The following USP12 variants were observed in gnomAD, a reference collection of about 807,000 sequenced individuals.
USP12 encodes the protein ubiquitin specific peptidase 12.
USP12 carries 19 observed loss-of-function variants against 45.5 expected under a neutral mutation model. That is an observed-to-expected ratio of 0.42 (90% CI 0.29 to 0.61). USP12 has a LOEUF of 0.61. Ranked by LOEUF, USP12 falls within the 20% of genes least tolerant of loss-of-function variation. The pLI, the probability that USP12 is intolerant of heterozygous loss-of-function variation, is 0.22. For synonymous variants in USP12, 149 were observed against 148.8 expected (o/e 1.00, Z -0.01); for missense variants, 242 against 447.7 (o/e 0.54, Z 4.15).
intron 7 of USP12, 50 bp downstream of exon 7, chr13:27,075,141 G>A: frequency 6.4e-7 from 1 of 1,574,740 alleles, no homozygotes; most frequent in African/African-American, 1.3e-5. Context: ...AATGTACCCT[G>A]CTCTTCTAAC....
At chr13:27,096,539 C>T (rs1490354669) in intron 3 of USP12, among the ~76,000 whole-genome samples, 1 of 152,126 alleles carries the variant, frequency 6.6e-6, no homozygotes, top group Non-Finnish European at 1.5e-5. Flanking sequence ...ACAACTCTAC[C>T]ATAGAACAGT....
chr13:27,074,115 C>G (rs975693700), intron 7 of USP12, among the ~76,000 whole-genome samples: 4 of 152,170 alleles, frequency 2.6e-5, no homozygotes, highest in African/African-American at 9.7e-5. Context: ...AAATTCTCAT[C>G]AGAGGCCGGG....
Position 27,075,274 on chromosome 13 carries a change from T to C in USP12, c.849A>G (p.Glu283=), listed in dbSNP as rs777450034. The stretch of plus-strand genomic sequence containing the variant: ...CACCTGAAGTGTTAAACAGACGAAG[T>C]TCTAAAGGAAAAACTACCCGGTAAG... ...KLSYRVVFPL[E]LRLFNTSGDA... Residue 283 remains glutamate (E), a synonymous_variant, in exon 7 of 9, where the codon GAA becomes GAG. Coordinates refer to ENST00000282344, the MANE Select transcript of USP12 (RefSeq NM_182488.4). The C allele has an allele frequency of 4.3e-6, 7 of 1,614,112 alleles. No homozygotes were observed. The highest frequency in any genetic ancestry group is 1.6e-4 in the Middle Eastern group (1 of 6,062).
intron 3 of USP12, among the ~76,000 whole-genome samples, chr13:27,103,522 G>T (rs1306779120): frequency 6.7e-6 from 1 of 148,972 alleles, no homozygotes; most frequent in Non-Finnish European, 1.5e-5. Flanking sequence ...CTCTTTCAAA[G>T]AAGTATTTAA....
intron 1 of USP12, among the ~76,000 whole-genome samples, chr13:27,125,439 GC>G (rs1876181360): frequency 6.6e-6 from 1 of 152,210 alleles, no homozygotes; most frequent in Non-Finnish European, 1.5e-5. Flanking sequence ...AACACTGAGT[GC>G]TGGAGAACTT....
chr13:27,131,283 A>G (rs1876488513), intron 1 of USP12, among the ~76,000 whole-genome samples: 1 of 152,180 alleles, frequency 6.6e-6, no homozygotes, highest in Non-Finnish European at 1.5e-5. Flanking sequence ...GTGAGCAGTG[A>G]GCTCCACCAC....
At chr13:27,081,834 T>A (rs150031770) in intron 6 of USP12, among the ~76,000 whole-genome samples, 135 of 152,350 alleles carry the variant, frequency 8.9e-4, no homozygotes, top group Admixed American at 1.6e-3. Flanking sequence ...TCTTGGGTGA[T>A]CACATGTATT....
intron 6 of USP12, among the ~76,000 whole-genome samples, chr13:27,079,058 T>C (rs147919743): frequency 2.0e-5 from 3 of 151,682 alleles, no homozygotes; most frequent in East Asian, 1.9e-4. Context: ...AAATAAGCCA[T>C]AGGACAAACA....
intron 3 of USP12, among the ~76,000 whole-genome samples, chr13:27,099,973 T>C (rs547254766): frequency 6.6e-6 from 1 of 152,300 alleles, no homozygotes; most frequent in South Asian, 2.1e-4. Context: ...CCACAAGAGA[T>C]AGTAGATCTA....
chr13:27,154,737 T>C (rs1371910951), intron 1 of USP12, among the ~76,000 whole-genome samples: 1 of 152,168 alleles, frequency 6.6e-6, no homozygotes, highest in Non-Finnish European at 1.5e-5. Context: ...GAATTCAAGT[T>C]GCAGAAGGAA....
chr13:27,126,649 A>G (rs1258622629), intron 1 of USP12, among the ~76,000 whole-genome samples: 1 of 152,090 alleles, frequency 6.6e-6, no homozygotes. Context: ...ACTGCAATAA[A>G]ACACTGCCTC....
Position 27,148,795 on chromosome 13 carries a change from T to TACACACACAC in USP12, c.48+22787_48+22796dup, listed in dbSNP as rs58820564. Among the ~76,000 whole-genome samples the TACACACACAC allele has an allele frequency of 7.3e-3, 1,029 of 141,792 alleles. 18 individuals are homozygous for TACACACACAC. Among genetic ancestry groups the TACACACACAC allele is most frequent in the African/African-American group, 0.025 (936 of 37,266 alleles). 93.0% of individuals were successfully genotyped at this position (141,792 alleles called of 152,430 possible). On this transcript the variant is annotated intron_variant, in intron 1 of 8. Coordinates refer to ENST00000282344, the MANE Select transcript of USP12 (RefSeq NM_182488.4). ...AACCAGAATCACAGAATCATCTTAATACACACACACACACACACAAAAATC... is the reference window on the plus strand; with the variant it reads ...AACCAGAATCACAGAATCATCTTAATACACACACACACACACACACACACACACAAAAATC...
At chr13:27,103,343 A>G (rs1349891083) in intron 3 of USP12, among the ~76,000 whole-genome samples, 1 of 152,160 alleles carries the variant, frequency 6.6e-6, no homozygotes, top group Admixed American at 6.5e-5. Context: ...AAAATTCAAA[A>G]GCCAAAAATA....
intron 1 of USP12, among the ~76,000 whole-genome samples, chr13:27,118,826 TCTA>T (rs1186682217): frequency 1.3e-5 from 2 of 152,184 alleles, no homozygotes; most frequent in Admixed American, 1.3e-4. Context: ...AGGTTATCTC[TCTA>T]CTGTTAGCCG....
chr13:27,091,202 A>G (rs1279638262), intron 4 of USP12, among the ~76,000 whole-genome samples: 1 of 152,224 alleles, frequency 6.6e-6, no homozygotes, highest in Non-Finnish European at 1.5e-5. Flanking sequence ...AAACACATCA[A>G]TTTTGTAGAA....
chr13:27,080,743 A>G (rs1032555434), intron 6 of USP12, among the ~76,000 whole-genome samples: 4 of 152,232 alleles, frequency 2.6e-5, no homozygotes, highest in Non-Finnish European at 5.9e-5. Context: ...AATAAAGTGA[A>G]GACCGCAATA....
At chr13:27,072,731 C>T (rs996100009) in intron 7 of USP12, among the ~76,000 whole-genome samples, 1 of 152,036 alleles carries the variant, frequency 6.6e-6, no homozygotes, top group Non-Finnish European at 1.5e-5. Context: ...CGAAATGGTG[C>T]CCAGTTTTGA....
chr13:27,075,667 G>A (rs954838616), intron 6 of USP12, among the ~76,000 whole-genome samples: 1 of 152,150 alleles, frequency 6.6e-6, no homozygotes, highest in Admixed American at 6.5e-5. Flanking sequence ...TTAGTCCTTG[G>A]TTAAGGAATC....
At chr13:27,136,088 C>T (rs7338782) in intron 1 of USP12, among the ~76,000 whole-genome samples, 2,014 of 152,248 alleles carry the variant, frequency 0.013, 39 homozygotes, top group African/African-American at 0.046. Context: ...TAAAGTAAAC[C>T]GCTTTCCATG....
Sources: gnomAD v4.1 joint callset for allele counts (sites outside exome capture counted in the v4.1 genomes callset) on GRCh38, gnomAD v4.1.1 for gene constraint, MANE v1.5 for transcripts, NCBI Gene and HGNC (gene_info 2026-07-23, HGNC 2026-07-21) for gene names.